Variants in PDE4D observed in about 807,000 individuals in gnomAD.
PDE4D encodes phosphodiesterase 4D.
PDE4D carries 24 observed loss-of-function variants against 87.4 expected under a neutral mutation model. That is an observed-to-expected ratio of 0.27 (90% CI 0.20 to 0.39). The LOEUF (loss-of-function observed/expected upper bound fraction) is 0.39. PDE4D is among the 10% of genes least tolerant of loss of function. The probability of loss-of-function intolerance (pLI) is 1.00; values close to 1 mark genes in which losing one functional copy is unlikely to be tolerated. For missense variants in PDE4D, 714 were observed against 1,041.0 expected (o/e 0.69, Z 4.32); for synonymous variants, 384 against 383.2 (o/e 1.00, Z -0.02).
intron 1 of PDE4D, among the ~76,000 whole-genome samples, chr5:60,250,879 T>C (rs890796431): frequency 5.3e-5 from 8 of 151,992 alleles, no homozygotes; most frequent in Non-Finnish European, 1.2e-4. Flanking sequence ...TCAGAGACGA[T>C]GGCAGCTCCT....
chr5:59,081,181 T>A (rs1766678841), intron 5 of PDE4D, among the ~76,000 whole-genome samples: 1 of 152,144 alleles, frequency 6.6e-6, no homozygotes, highest in Admixed American at 6.6e-5. Flanking sequence ...ACTCATTTAT[T>A]TTTATTTGAA....
chr5:59,437,691 T>C (rs1796981662), intron 1 of PDE4D, among the ~76,000 whole-genome samples: 1 of 151,740 alleles, frequency 6.6e-6, no homozygotes, highest in Admixed American at 6.6e-5. Flanking sequence ...GTAGATGGCA[T>C]AACTCCTATC....
chr5:59,891,627 A>G (rs1364097571), intron 1 of PDE4D, among the ~76,000 whole-genome samples: 1 of 152,174 alleles, frequency 6.6e-6, no homozygotes, highest in Non-Finnish European at 1.5e-5. Context: ...TATTCTTCCC[A>G]TCCAACAGGT....
intron 1 of PDE4D, among the ~76,000 whole-genome samples, chr5:60,511,850 A>C (rs1046124311): frequency 1.3e-5 from 2 of 152,182 alleles, no homozygotes; most frequent in African/African-American, 4.8e-5. Flanking sequence ...ATATTTTAAA[A>C]GTAAAAGCAC....
At chr5:60,110,112 T>C (rs1327781278) in intron 2 of PDE4D, among the ~76,000 whole-genome samples, 2 of 151,910 alleles carry the variant, frequency 1.3e-5, no homozygotes, top group African/African-American at 4.8e-5. Flanking sequence ...TTGAAGGAAA[T>C]AAAAACTATT....
At chr5:59,635,816 A>C (rs950223511) in intron 1 of PDE4D, among the ~76,000 whole-genome samples, 1 of 152,220 alleles carries the variant, frequency 6.6e-6, no homozygotes, top group African/African-American at 2.4e-5. Context: ...TCCCTTTGAA[A>C]ACTGGCACAA....
intron 2 of PDE4D, among the ~76,000 whole-genome samples, chr5:60,046,924 A>G (rs1319789939): frequency 1.3e-5 from 2 of 152,142 alleles, no homozygotes; most frequent in Non-Finnish European, 2.9e-5. Context: ...ATTGATTGGA[A>G]TAGTTTCAGA....
intron 3 of PDE4D, among the ~76,000 whole-genome samples, chr5:59,960,622 T>C (rs1759360795): frequency 6.6e-6 from 1 of 152,166 alleles, no homozygotes; most frequent in South Asian, 2.1e-4. Context: ...AACCAAATGT[T>C]GCATGTTTTC....
intron 1 of PDE4D, among the ~76,000 whole-genome samples, chr5:59,634,315 C>T (rs1000005862): frequency 2.0e-5 from 3 of 152,080 alleles, no homozygotes; most frequent in African/African-American, 7.2e-5. Flanking sequence ...CTGTCAATAT[C>T]AGACAGATGA....
At chr5:59,046,859 G>A (rs531944420) in intron 5 of PDE4D, among the ~76,000 whole-genome samples, 2 of 152,104 alleles carry the variant, frequency 1.3e-5, no homozygotes, top group Non-Finnish European at 2.9e-5. Flanking sequence ...TCTAGGTTGG[G>A]GGCTTCATGT....
intron 2 of PDE4D, among the ~76,000 whole-genome samples, chr5:60,013,108 C>A (rs1428952496): frequency 1.3e-5 from 2 of 152,132 alleles, no homozygotes; most frequent in Non-Finnish European, 2.9e-5. Context: ...GGTTTAGATT[C>A]ATGAGTGCCC....
chr5:58,991,528 A>C (rs1210027138), intron 8 of PDE4D, among the ~76,000 whole-genome samples: 1 of 152,112 alleles, frequency 6.6e-6, no homozygotes, highest in Non-Finnish European at 1.5e-5. Context: ...TAATGGATAA[A>C]ATCTATTCAC....
At chr5:59,401,450 A>ATCTG (rs1790608610) in intron 1 of PDE4D, among the ~76,000 whole-genome samples, 1 of 127,574 alleles carries the variant, frequency 7.8e-6, no homozygotes, top group Admixed American at 7.9e-5. Context: ...GAGACTATCT[A>ATCTG]TCTATCTATC....
chr5:59,035,536 A>AAT (rs1437680012), intron 6 of PDE4D, among the ~76,000 whole-genome samples: 2 of 152,216 alleles, frequency 1.3e-5, no homozygotes, highest in Non-Finnish European at 2.9e-5. Context: ...CTAAAACCCA[A>AAT]ATAATAGCAA....
chr5:59,161,879 T>C (rs1349656981), intron 5 of PDE4D, among the ~76,000 whole-genome samples: 1 of 152,204 alleles, frequency 6.6e-6, no homozygotes, highest in African/African-American at 2.4e-5. Context: ...TGCGGTTTGA[T>C]GATTACGCAC....
chr5:59,697,953 A>G (rs766363770), intron 1 of PDE4D, among the ~76,000 whole-genome samples: 58 of 152,330 alleles, frequency 3.8e-4, no homozygotes, highest in Non-Finnish European at 7.2e-4. Flanking sequence ...GAAGCTCTAT[A>G]GACATCAGTT....
intron 3 of PDE4D, among the ~76,000 whole-genome samples, chr5:59,931,588 C>T (rs1376392120): frequency 1.3e-5 from 2 of 152,094 alleles, no homozygotes; most frequent in African/African-American, 2.4e-5. Context: ...CCCATGAAAA[C>T]CTATTAATCC....
chr5:59,499,140 G>A (rs550093366), intron 1 of PDE4D, among the ~76,000 whole-genome samples: 12 of 151,770 alleles, frequency 7.9e-5, no homozygotes, highest in Admixed American at 3.3e-4. Flanking sequence ...ACAAATACAG[G>A]AAACTAATCA....
At chr5:59,883,727 A>T (rs2152747897) in intron 1 of PDE4D, among the ~76,000 whole-genome samples, 1 of 152,310 alleles carries the variant, frequency 6.6e-6, no homozygotes, top group South Asian at 2.1e-4. Flanking sequence ...TGAATCTTAA[A>T]GCAACAGTGT....
Sources: gnomAD v4.1 joint callset for allele counts (sites outside exome capture counted in the v4.1 genomes callset) on GRCh38, gnomAD v4.1.1 for gene constraint, MANE v1.5 for transcripts, NCBI Gene and HGNC (gene_info 2026-07-23, HGNC 2026-07-21) for gene names.